RANBP2: variants seen among roughly 807,000 people sequenced by gnomAD.
RANBP2 encodes the protein RAN binding protein 2, also known as E3 SUMO-protein ligase RanBP2.
RANBP2 carries 57 observed loss-of-function variants against 303.6 expected under a neutral mutation model. The ratio of observed to expected loss-of-function variants is 0.19; its 90% confidence interval spans 0.15 to 0.23. The LOEUF (loss-of-function observed/expected upper bound fraction) is 0.23. Ranked by LOEUF, RANBP2 falls within the 10% of genes least tolerant of loss-of-function variation. The probability of loss-of-function intolerance (pLI) is 1.00; values close to 1 mark genes in which losing one functional copy is unlikely to be tolerated. For missense variants in RANBP2, 3,138 were observed against 3,780.8 expected, an observed-to-expected ratio of 0.83 and a Z score of 4.46; for synonymous variants, 1,167 against 1,301.5, an observed-to-expected ratio of 0.90 and a Z score of 2.23.
At chr2:109,084,972 T>A in the RANBP2 span, among the ~76,000 whole-genome samples, 2 of 152,210 alleles carry the variant, frequency 1.3e-5, no homozygotes, top group African/African-American at 4.8e-5. Flanking sequence ...TGATAACACC[T>A]GAGCCTGACC....
chr2:108,749,484 G>T (rs1439252650), intron 9 of RANBP2, among the ~76,000 whole-genome samples: 4 of 152,028 alleles, frequency 2.6e-5, no homozygotes, highest in Non-Finnish European at 4.4e-5. Context: ...TTTTAGTAGA[G>T]ACGGGGTTTC....
intron 15 of RANBP2, among the ~76,000 whole-genome samples, chr2:108,754,662 T>C (rs2378192): frequency 1.3e-5 from 2 of 151,816 alleles, no homozygotes; most frequent in South Asian, 2.1e-4. Context: ...AGATGTTAGA[T>C]TGTACAACAC....
At chr2:109,299,088 G>A in the RANBP2 span, among the ~76,000 whole-genome samples, 3 of 152,250 alleles carry the variant, frequency 2.0e-5, no homozygotes, top group East Asian at 5.8e-4. Flanking sequence ...CAAGCCACTG[G>A]GCAGGCTCCC....
At chr2:109,304,880 TG>T in the RANBP2 span, among the ~76,000 whole-genome samples, 1 of 152,132 alleles carries the variant, frequency 6.6e-6, no homozygotes, top group South Asian at 2.1e-4. Context: ...TTAGAAGACA[TG>T]GGGTGACGCT....
At chr2:109,609,241 T>G in the RANBP2 span, among the ~76,000 whole-genome samples, 1 of 152,150 alleles carries the variant, frequency 6.6e-6, no homozygotes, top group Non-Finnish European at 1.5e-5. Context: ...CATTTAACAT[T>G]CAGCAAGAAT....
At chr2:108,991,854 T>C in the RANBP2 span, among the ~76,000 whole-genome samples, 4 of 152,190 alleles carry the variant, frequency 2.6e-5, no homozygotes, top group Non-Finnish European at 4.4e-5. Context: ...TCGCCCAGAC[T>C]GGAGTGCAGT....
Position 108,752,006 on chromosome 2 carries a change from A to C in RANBP2, c.1755+12A>C, listed in dbSNP as rs566038527. 24 of 1,611,586 alleles carry C rather than the reference A, an allele frequency of 1.5e-5. No homozygotes were observed. In the East Asian group the frequency reaches 2.9e-4, roughly 19 times the overall value. ...GCCTTCAGAAAACGGTGAGTTTTAA[A>C]GTATAAGCATTTTTAAAGAACATTA... On this transcript the variant is annotated intron_variant, in intron 12 of 28. Transcript: ENST00000283195.
At chr2:108,881,198 A>G in the RANBP2 span, among the ~76,000 whole-genome samples, 2,863 of 152,276 alleles carry the variant, frequency 0.019, 88 homozygotes, top group African/African-American at 0.064. Flanking sequence ...CTTGTGGAGA[A>G]CTTGCTGCAG....
chr2:108,804,962 C>A, the RANBP2 span: 1 of 1,574,588 alleles, frequency 6.4e-7, no homozygotes, highest in Non-Finnish European at 8.6e-7. Context: ...AGACTGAGGT[C>A]CTCTTTTGAT....
At chr2:109,715,156 G>A in the RANBP2 span, among the ~76,000 whole-genome samples, 26 of 148,944 alleles carry the variant, frequency 1.7e-4, no homozygotes, top group African/African-American at 5.7e-4. Context: ...TAGTAGAGAC[G>A]GGGTTTCACC....
chr2:108,949,477 C>T, the RANBP2 span, among the ~76,000 whole-genome samples: 1 of 152,178 alleles, frequency 6.6e-6, no homozygotes, highest in African/African-American at 2.4e-5. Flanking sequence ...ATAATATTGC[C>T]TACTGCGTCC....
At chr2:109,493,804 A>G in the RANBP2 span, among the ~76,000 whole-genome samples, 1 of 152,148 alleles carries the variant, frequency 6.6e-6, no homozygotes, top group Non-Finnish European at 1.5e-5. Context: ...CATAACACAC[A>G]GATACACACA....
the RANBP2 span, among the ~76,000 whole-genome samples, chr2:108,874,428 C>T: frequency 7.9e-5 from 12 of 152,146 alleles, no homozygotes; most frequent in South Asian, 2.1e-4. Context: ...TTGTATTTTC[C>T]GTGATTCTTG....
chr2:108,945,521 A>G, the RANBP2 span, among the ~76,000 whole-genome samples: 1 of 152,230 alleles, frequency 6.6e-6, no homozygotes, highest in African/African-American at 2.4e-5. Context: ...AGGGCTGAAC[A>G]GGATGGATAA....
At chr2:109,090,308 CCTCACACACACA>C in the RANBP2 span, among the ~76,000 whole-genome samples, 17 of 132,836 alleles carry the variant, frequency 1.3e-4, 1 homozygote, top group Admixed American at 6.1e-4. Context: ...GGACACCTCG[CCTCACACACACA>C]CACACACACA....
chr2:108,721,120 C>T (rs371527831), intron 1 of RANBP2, among the ~76,000 whole-genome samples: 158 of 152,268 alleles, frequency 1.0e-3, no homozygotes, highest in Non-Finnish European at 2.0e-3. Flanking sequence ...ATAATTGTGT[C>T]TCTTATCGTA....
chr2:109,346,137 C>T, the RANBP2 span, among the ~76,000 whole-genome samples: 8 of 152,172 alleles, frequency 5.3e-5, no homozygotes, highest in Non-Finnish European at 1.0e-4. Flanking sequence ...CTATTGTGCT[C>T]GCACTACAAA....
the RANBP2 span, chr2:108,912,774 A>G: frequency 6.3e-7 from 1 of 1,580,590 alleles, no homozygotes; most frequent in Non-Finnish European, 8.6e-7. Context: ...CCTGCAAGGA[A>G]AATAGAGTCC....
At chr2:109,561,898 T>C in the RANBP2 span, among the ~76,000 whole-genome samples, 2 of 152,216 alleles carry the variant, frequency 1.3e-5, no homozygotes, top group East Asian at 1.9e-4. Flanking sequence ...TGTAATCCCA[T>C]CACTTCAGGA....
Sources: gnomAD v4.1 joint callset for allele counts (sites outside exome capture counted in the v4.1 genomes callset) on GRCh38, gnomAD v4.1.1 for gene constraint, MANE v1.5 for transcripts, NCBI Gene and HGNC (gene_info 2026-07-23, HGNC 2026-07-21) for gene names.